AK9: variants seen among roughly 807,000 people sequenced by gnomAD.
AK9 encodes the protein adenylate kinase 9, also known as adenylate kinase domain containing 1.
Under a neutral mutation model 239.6 loss-of-function variants are expected in AK9, and 191 were observed. The ratio of observed to expected loss-of-function variants is 0.80; its 90% confidence interval spans 0.71 to 0.90. The LOEUF (loss-of-function observed/expected upper bound fraction) is 0.90, where lower values mean the gene tolerates loss of function less well. Among genes scored for constraint, AK9 ranks in the 40% least tolerant of loss-of-function variants. AK9 has a pLI of 0.00. For missense variants in AK9, 1,995 were observed against 2,214.7 expected (o/e 0.90, Z 1.99); for synonymous variants, 689 against 721.0 (o/e 0.96, Z 0.71).
chr6:109,516,752 C>G, intron 29 of AK9, 110 bp from the exon 30 acceptor site: 1 of 894,216 alleles, frequency 1.1e-6, no homozygotes, highest in South Asian at 1.7e-5. Context: ...GTTGGTATTG[C>G]ATGTTGACAT....
intron 20 of AK9, among the ~76,000 whole-genome samples, chr6:109,573,963 T>C (rs1338316744): frequency 6.6e-6 from 1 of 152,180 alleles, no homozygotes; most frequent in Non-Finnish European, 1.5e-5. Context: ...TATTGAGTAC[T>C]TGAAATGAGG....
At chr6:109,528,711 G>A (rs556311265) in intron 29 of AK9, 18 of 497,686 alleles carry the variant, frequency 3.6e-5, no homozygotes, top group Middle Eastern at 3.0e-4. Context: ...GTAGCAAGTT[G>A]TATTTTCTGA....
Position 109,675,766 on chromosome 6 carries a change from AAAAGGGTAAG to A in AK9, c.-11-20_-11-11del. On this transcript the variant is annotated splice_polypyrimidine_tract_variant and intron_variant, in intron 1 of 40. Coordinates refer to ENST00000424296, the MANE Select transcript of AK9 (RefSeq NM_001145128.3). Reference sequence around the variant, plus strand: ...GTCATGACACAAAATACTACAATAAAAAAGGGTAAGATTGTTAACTTGTCTAATTTGGTTG... The same window carrying A: ...GTCATGACACAAAATACTACAATAAAATTGTTAACTTGTCTAATTTGGTTG... 1 of 1,459,672 alleles carries A rather than the reference AAAAGGGTAAG, an allele frequency of 6.9e-7. No homozygotes were observed. The highest frequency in any genetic ancestry group is 9.4e-7 in the Non-Finnish European group (1 of 1,063,734). 90.4% of individuals were successfully genotyped at this position (1,459,672 alleles called of 1,614,324 possible).
chr6:109,639,672 T>C (rs1797155939), intron 10 of AK9, among the ~76,000 whole-genome samples: 1 of 152,258 alleles, frequency 6.6e-6, no homozygotes, highest in South Asian at 2.1e-4. Context: ...ATTTGTCTAC[T>C]TTGGCTTTTG....
chr6:109,493,329 A>C lies in AK9; in HGVS notation c.*40T>G. 1 of 1,579,988 alleles carries C rather than the reference A, an allele frequency of 6.3e-7. No homozygotes were observed. ...CTCTCAGTTTCCCTCTATCACTTTC[A>C]GATAACTCTTGAGATTCAGGCTGCT... On this transcript the variant is annotated 3_prime_UTR_variant, in exon 41 of 41. Transcript: ENST00000424296.
At chr6:109,624,399 GACAAAGAAT>G (rs1795272287) in intron 12 of AK9, among the ~76,000 whole-genome samples, 2 of 152,130 alleles carry the variant, frequency 1.3e-5, no homozygotes, top group African/African-American at 2.4e-5. Flanking sequence ...AGTAGCTTCT[GACAAAGAAT>G]ACATGAGAGG....
In AK9 at chr6:109,530,789, A is replaced by G. The variant is rs1781130962; in HGVS notation, c.3571-1716T>C. The stretch of plus-strand genomic sequence containing the variant: ...AAATTCAGAGTTTAACTCACGTAAT[A>G]TCACACAATTAGTGTGAGGATGCTT... On this transcript the variant is annotated intron_variant, in intron 28 of 40. Coordinates refer to ENST00000424296, the MANE Select transcript of AK9 (RefSeq NM_001145128.3). Among the ~76,000 whole-genome samples, 5 of 152,232 alleles carry G rather than the reference A, an allele frequency of 3.3e-5. 1 individual carries two copies. In the South Asian group the frequency reaches 1.0e-3, roughly 32 times the overall value.
At position 109,509,285 on chromosome 6, in the gene AK9, C is replaced by T; in HGVS notation, c.4375G>A (p.Ala1459Thr). Residue 1459 changes from alanine (A) to threonine (T), a missense_variant, in exon 33 of 41, where the codon GCA becomes ACA. Physicochemically the swap from Ala to Thr is moderately conservative, Grantham distance 58. Around this residue, in one of 5 missense-constraint regions of AK9, gnomAD observed 45 missense variants for 80.5 expected, o/e 0.56. Coordinates refer to ENST00000424296, the MANE Select transcript of AK9 (RefSeq NM_001145128.3). ...TGAAGATGCCAATTTAACATAAGTG[C>T]CAGCTCTGTTTCCGGGTGATTGTTT... Reference protein sequence around the residue: ...VLNNHPETELALMLNWHLHKG... With the variant: ...VLNNHPETELTLMLNWHLHKG... 1 of 1,551,862 alleles carries T rather than the reference C, an allele frequency of 6.4e-7. No individual in the cohort carries two copies. The highest frequency in any genetic ancestry group is 1.2e-5 in the South Asian group (1 of 84,056).
chr6:109,626,596 G>A (rs1333667561), intron 12 of AK9, among the ~76,000 whole-genome samples: 1 of 152,184 alleles, frequency 6.6e-6, no homozygotes, highest in Non-Finnish European at 1.5e-5. Flanking sequence ...AGAGGGTACA[G>A]CTTACTAAAC....
intron 29 of AK9, among the ~76,000 whole-genome samples, chr6:109,525,184 G>A (rs185308761): frequency 9.9e-5 from 15 of 152,264 alleles, no homozygotes; most frequent in Admixed American, 5.9e-4. Flanking sequence ...TAGGTGTGCA[G>A]CTTTATTTCT....
At chr6:109,574,574 T>C (rs1023543910) in intron 20 of AK9, among the ~76,000 whole-genome samples, 1 of 152,132 alleles carries the variant, frequency 6.6e-6, no homozygotes, top group Non-Finnish European at 1.5e-5. Flanking sequence ...TTGAAGGAAA[T>C]AATAAATTTC....
At chr6:109,565,502 T>C (rs1463534368) in intron 21 of AK9, among the ~76,000 whole-genome samples, 2 of 151,536 alleles carry the variant, frequency 1.3e-5, no homozygotes, top group African/African-American at 4.8e-5. Context: ...TTCAAGAAGA[T>C]ACACCAAAAA....
chr6:109,662,423 C>G, intron 6 of AK9, 128 bp downstream of exon 6: 1 of 740,196 alleles, frequency 1.4e-6, no homozygotes, highest in East Asian at 4.1e-5. Flanking sequence ...AAGTATGACT[C>G]AGTTCCTGTG....
intron 38 of AK9, among the ~76,000 whole-genome samples, chr6:109,496,200 T>C (rs898009058): frequency 1.3e-5 from 2 of 152,196 alleles, no homozygotes; most frequent in African/African-American, 2.4e-5. Context: ...ATGTGAACAA[T>C]TTAAACAGCA....
intron 12 of AK9, among the ~76,000 whole-genome samples, chr6:109,623,730 C>T (rs1795139604): frequency 6.6e-6 from 1 of 152,114 alleles, no homozygotes; most frequent in Non-Finnish European, 1.5e-5. Flanking sequence ...GTATTTTCCT[C>T]TGTATGCTGT....
At chr6:109,642,648 T>A (rs540471988) in intron 9 of AK9, among the ~76,000 whole-genome samples, 1 of 152,108 alleles carries the variant, frequency 6.6e-6, no homozygotes, top group Non-Finnish European at 1.5e-5. Flanking sequence ...TCTGGCCATA[T>A]TTTGAAGGAG....
At chr6:109,688,593 T>A (rs1282809591) in intron 1 of AK9, among the ~76,000 whole-genome samples, 2 of 152,180 alleles carry the variant, frequency 1.3e-5, no homozygotes, top group Non-Finnish European at 2.9e-5. Flanking sequence ...ATGAGGAACA[T>A]GCTTTGAATC....
At chr6:109,501,823 GC>G (rs1268318884) in intron 35 of AK9, among the ~76,000 whole-genome samples, 2 of 152,222 alleles carry the variant, frequency 1.3e-5, no homozygotes, top group Non-Finnish European at 2.9e-5. Context: ...TCTCTGAAGA[GC>G]TGAGAGCCAG....
intron 8 of AK9, among the ~76,000 whole-genome samples, chr6:109,651,845 C>A (rs994123346): frequency 6.6e-6 from 1 of 152,144 alleles, no homozygotes; most frequent in African/African-American, 2.4e-5. Context: ...CCTCCCAAGA[C>A]TAAACCAGGA....
Sources: allele counts gnomAD v4.1 joint callset (sites outside exome capture counted in the v4.1 genomes callset), GRCh38; gene constraint gnomAD v4.1.1; regional missense constraint gnomAD v4.1.1; transcripts MANE v1.5; gene names NCBI Gene and HGNC (gene_info 2026-07-23, HGNC 2026-07-21).